The following GART variants were observed in gnomAD, a reference collection of about 807,000 sequenced individuals.
GART encodes the protein phosphoribosylglycinamide formyltransferase, phosphoribosylglycinamide synthetase, phosphoribosylaminoimidazole synthetase.
Under a neutral mutation model 107.2 loss-of-function variants are expected in GART, and 43 were observed. The observed-to-expected ratio is 0.40, with a 90% CI of 0.31 to 0.52. GART has a LOEUF of 0.52. Among genes scored for constraint, GART ranks in the 20% least tolerant of loss-of-function variants. GART has a pLI of 0.52. For missense variants in GART, 1,107 were observed against 1,206.5 expected (o/e 0.92, Z 1.22); for synonymous variants, 434 against 427.0 (o/e 1.02, Z -0.20).
At position 33,505,975 on chromosome 21, in the gene GART, C is replaced by T. The variant is rs372743548; in HGVS notation, c.2582G>A (p.Arg861Lys). ...AAGATATTTTCCCAAGTAACTTACT[C>T]TAGTGGGAATACCAGCTCTTTCCGC... is the stretch of plus-strand genomic sequence containing the variant. Reference protein sequence around the residue: ...DKAERAGIPTRVINHKLYKNR... With the variant: ...DKAERAGIPTKVINHKLYKNR... Residue 861 changes from arginine (R) to lysine (K), a missense_variant and splice_region_variant, in exon 19 of 22, where the codon AGA becomes AAA. Transcript: ENST00000381815. The T allele has an allele frequency of 1.2e-6, 2 of 1,613,924 alleles. No homozygotes were observed. The highest frequency in any genetic ancestry group is 2.7e-5 in the African/African-American group (2 of 74,920).
chr21:33,512,711 C>T (rs2084807406), intron 16 of GART, among the ~76,000 whole-genome samples: 2 of 151,936 alleles, frequency 1.3e-5, no homozygotes, highest in African/African-American at 2.4e-5. Flanking sequence ...ACTTCATCCT[C>T]CTGAGTAGCT....
intron 16 of GART, 21 bp from the exon 17 acceptor site, chr21:33,511,479 T>C (rs373285587): frequency 1.2e-6 from 2 of 1,610,304 alleles, no homozygotes; most frequent in Non-Finnish European, 1.7e-6. Context: ...TAGACACGAA[T>C]TGTTTGATTT....
chr21:33,531,419 T>C (rs918457036), intron 6 of GART, 70 bp downstream of exon 6: 17 of 1,356,122 alleles, frequency 1.3e-5, no homozygotes, highest in Non-Finnish European at 3.1e-6. Flanking sequence ...TATCAAGTCT[T>C]TTCTGGGGTA....
intron 11 of GART, chr21:33,524,448 G>A (rs184648423): frequency 1.6e-6 from 1 of 612,620 alleles, no homozygotes; most frequent in Admixed American, 6.0e-5. Flanking sequence ...CTATTTGGGA[G>A]GCTGAGGCAT....
In GART at chr21:33,524,376, C is replaced by A. The variant is rs550554522; in HGVS notation, c.1298+393G>T. On this transcript the variant is annotated intron_variant, in intron 11 of 21. Transcript: ENST00000381815. Reference sequence around the variant, plus strand: ...CTGGCCTTGGCAACATGGTGAAACCCCATCTCCACAAAAAATACAAAAAAA... The same window carrying A: ...CTGGCCTTGGCAACATGGTGAAACCACATCTCCACAAAAAATACAAAAAAA... 6 of 696,668 alleles carry A rather than the reference C, an allele frequency of 8.6e-6. No individual in the cohort carries two copies. In the South Asian group the frequency reaches 2.5e-4, roughly 29 times the overall value. 43.2% of individuals were successfully genotyped at this position (696,668 alleles called of 1,614,324 possible).
rs574103181 is a variant in GART at position 33,518,936 on chromosome 21, G to T, written c.1703-1328C>A. 1.3e-5 allele frequency: 6 copies of T among 467,464 alleles called. No homozygotes were observed. In the East Asian group the frequency reaches 3.3e-4, roughly 26 times the overall value. 29.0% of individuals were successfully genotyped at this position (467,464 alleles called of 1,614,324 possible). ...CCAGAGAAATGCTACCAGCATTTTA[G>T]GTTGTTAAAGTGGATCTCTGGTCTT... is the stretch of plus-strand genomic sequence containing the variant. On this transcript the variant is annotated intron_variant, in intron 14 of 21. Coordinates refer to ENST00000381815, the MANE Select transcript of GART (RefSeq NM_000819.5).
At chr21:33,542,851 A>C, upstream of GART, 1 of 576,096 alleles carries the variant, frequency 1.7e-6, no homozygotes, top group Non-Finnish European at 3.1e-6. Context: ...AGACACTAAC[A>C]TGGCGGACAT....
Position 33,504,543 on chromosome 21 carries a change from A to C in GART, c.2726-16T>G, listed in dbSNP as rs372543092. On this transcript the variant is annotated splice_polypyrimidine_tract_variant and intron_variant, in intron 20 of 21. Coordinates refer to ENST00000381815, the MANE Select transcript of GART (RefSeq NM_000819.5). ...AGCATTTTTCCTAAAAATTAAAAAA[A>C]GCATAGTGGTCAGAATTTAAAAATC... 1 of 1,553,374 alleles carries C rather than the reference A, an allele frequency of 6.4e-7. No individual in the cohort carries two copies. The highest frequency in any genetic ancestry group is 1.4e-5 in the African/African-American group (1 of 73,428).
At chr21:33,542,783 C>T (rs1267761049), upstream of GART, 2 of 438,778 alleles carry the variant, frequency 4.6e-6, no homozygotes, top group African/African-American at 2.0e-5. Flanking sequence ...TGGGGACTGA[C>T]AACTTATGCG....
At chr21:33,507,018 A>T (rs73366186) in intron 18 of GART, among the ~76,000 whole-genome samples, 1 of 152,294 alleles carries the variant, frequency 6.6e-6, no homozygotes, top group African/African-American at 2.4e-5. Flanking sequence ...CAAAAATTAA[A>T]AAAAAGAGCT....
At chr21:33,526,920 T>G (rs1417524619) in intron 10 of GART, among the ~76,000 whole-genome samples, 1 of 152,228 alleles carries the variant, frequency 6.6e-6, no homozygotes, top group Admixed American at 6.5e-5. Flanking sequence ...ATTTGGTAGT[T>G]TGTTAATATA....
intron 18 of GART, among the ~76,000 whole-genome samples, chr21:33,508,762 G>A (rs1026554147): frequency 2.1e-4 from 32 of 152,076 alleles, no homozygotes; most frequent in African/African-American, 6.5e-4. Context: ...TGATCCGCCC[G>A]CCTCAGCCTC....
At chr21:33,518,909 C>A (rs547117128) in intron 14 of GART, 7 of 512,134 alleles carry the variant, frequency 1.4e-5, no homozygotes, top group South Asian at 7.3e-5. Context: ...GTGTTCACTG[C>A]CCCAGAGAAA....
chr21:33,516,248 A>G (rs1489902749), intron 16 of GART, among the ~76,000 whole-genome samples: 2 of 23,530 alleles, frequency 8.5e-5, no homozygotes, highest in South Asian at 1.5e-3. Flanking sequence ...ACTCTGTCTA[A>G]AAAAAAAAAA....
intron 6 of GART, 65 bp downstream of exon 6, chr21:33,531,424 G>T: frequency 2.2e-6 from 3 of 1,387,112 alleles, no homozygotes; most frequent in Non-Finnish European, 2.0e-6. Context: ...AGTCTTTTCT[G>T]GGGTACACAG....
Position 33,509,839 on chromosome 21 carries a change from T to C in GART, c.2396A>G (p.Asn799Ser). ...CTTTTTTTTTTCAAAAGAGAAATGA[T>C]TTGTCAGGGAGCCATTCTTCAACAC... ...GSVLKNGSLT[N>S]HFSFEKKKAR... Residue 799 changes from asparagine (N) to serine (S), a missense_variant, in exon 18 of 22, where the codon AAT (asparagine) becomes AGT (serine). Coordinates refer to ENST00000381815, the MANE Select transcript of GART (RefSeq NM_000819.5). 1 of 1,613,598 alleles carries C rather than the reference T, an allele frequency of 6.2e-7. No individual in the cohort carries two copies. Among genetic ancestry groups the C allele is most frequent in the South Asian group, 1.1e-5 (1 of 91,060 alleles).
At position 33,524,551 on chromosome 21, in the gene GART, A is replaced by C. The variant is rs555239978; in HGVS notation, c.1298+218T>G. On this transcript the variant is annotated intron_variant, in intron 11 of 21. Transcript: ENST00000381815. ...ACAAATAAAAATCAGTACCACTGTG[A>C]TTTTGCTAAACTTTCCAAACTTACG... 2.5e-5 allele frequency: 31 copies of C among 1,247,090 alleles called. No homozygotes were observed. The African/African-American group carries it at 4.7e-4, about 19-fold the overall frequency. The allele number at this position is 1,247,090 out of a possible 1,614,324, so 77.3% of individuals were successfully genotyped here. A position where few individuals can be genotyped will look rare whatever the true frequency, so the allele number is the denominator to read the frequency against.
chr21:33,504,329 C>A lies in GART; in HGVS notation c.2842-14G>T, dbSNP rs1308944470. On this transcript the variant is annotated splice_polypyrimidine_tract_variant and intron_variant, in intron 21 of 21. Coordinates refer to ENST00000381815, the MANE Select transcript of GART (RefSeq NM_000819.5). ...ATCCACATCTTCCTGGAAAAGTAAG[C>A]AAAAGTTTTGAACATTACCTTCTAG... 8.7e-6 allele frequency: 14 copies of A among 1,612,484 alleles called. No homozygotes were observed. Among genetic ancestry groups the A allele is most frequent in the Non-Finnish European group, 1.2e-5 (14 of 1,178,912 alleles).
chr21:33,534,117 A>G (rs1001138426), intron 4 of GART, among the ~76,000 whole-genome samples: 6 of 152,170 alleles, frequency 3.9e-5, no homozygotes, highest in Non-Finnish European at 8.8e-5. Flanking sequence ...AACCCACATA[A>G]TATTTATTGA....
Sources: allele counts gnomAD v4.1 joint callset (sites outside exome capture counted in the v4.1 genomes callset), GRCh38; gene constraint gnomAD v4.1.1; transcripts MANE v1.5; gene names NCBI Gene and HGNC (gene_info 2026-07-23, HGNC 2026-07-21).